The following RAB11FIP4 variants were observed in gnomAD, a reference collection of about 807,000 sequenced individuals.
RAB11FIP4 encodes the protein rab11 family-interacting protein 4.
RAB11FIP4 carries 23 observed loss-of-function variants against 74.3 expected under a neutral mutation model. That is an observed-to-expected ratio of 0.31 (90% CI 0.22 to 0.44). The LOEUF is 0.44. Among genes scored for constraint, RAB11FIP4 ranks in the 20% least tolerant of loss-of-function variants. The probability of loss-of-function intolerance (pLI) is 1.00; values close to 1 mark genes in which losing one functional copy is unlikely to be tolerated. For synonymous variants in RAB11FIP4, 360 were observed against 359.9 expected, an observed-to-expected ratio of 1.00 and a Z score of 0.00; for missense variants, 630 against 863.9, an observed-to-expected ratio of 0.73 and a Z score of 3.39.
chr17:31,489,882 C>T (rs927637839), intron 3 of RAB11FIP4, among the ~76,000 whole-genome samples: 4 of 152,038 alleles, frequency 2.6e-5, no homozygotes, highest in Admixed American at 2.6e-4. Flanking sequence ...TGACTAAGGC[C>T]AGTAGAAGAG....
intron 3 of RAB11FIP4, among the ~76,000 whole-genome samples, chr17:31,483,381 A>G (rs920916858): frequency 6.6e-6 from 1 of 151,996 alleles, no homozygotes; most frequent in Non-Finnish European, 1.5e-5. Context: ...TGGCTCCACC[A>G]CTAACTGAGT....
chr17:31,523,674 C>T (rs2072711115), intron 8 of RAB11FIP4, 63 bp downstream of exon 8: 2 of 1,470,418 alleles, frequency 1.4e-6, no homozygotes, highest in Non-Finnish European at 1.9e-6. Context: ...AGATGGGGTG[C>T]ACTCAGGCTA....
At chr17:31,402,913 C>A (rs575031416) in intron 1 of RAB11FIP4, among the ~76,000 whole-genome samples, 5 of 152,120 alleles carry the variant, frequency 3.3e-5, no homozygotes, top group Non-Finnish European at 7.3e-5. Flanking sequence ...GCGTGAGCCA[C>A]CGCGCCTGGC....
At chr17:31,434,710 G>T (rs190733560) in intron 3 of RAB11FIP4, among the ~76,000 whole-genome samples, 14 of 152,180 alleles carry the variant, frequency 9.2e-5, no homozygotes, top group Middle Eastern at 3.2e-3. Flanking sequence ...CTCAGGAAAT[G>T]GTTGTACTTA....
rs563824238 is a variant in RAB11FIP4 at position 31,433,979 on chromosome 17, G to T, written c.248-55G>T. On this transcript the variant is annotated intron_variant, in intron 2 of 14. Coordinates refer to ENST00000621161, the MANE Select transcript of RAB11FIP4 (RefSeq NM_032932.6). The stretch of plus-strand genomic sequence containing the variant: ...CCCATTAGTCAGAAGCAGAGCAGCC[G>T]TCCCAGGCTGAGGCTCAACCCCTCA... 2.7e-6 allele frequency: 4 copies of T among 1,499,712 alleles called. No individual in the cohort carries two copies. The East Asian group carries it at 7.0e-5, about 26-fold the overall frequency. 92.9% of individuals were successfully genotyped at this position (1,499,712 alleles called of 1,614,324 possible).
At chr17:31,432,341 C>G (rs2071318485) in intron 2 of RAB11FIP4, among the ~76,000 whole-genome samples, 1 of 151,560 alleles carries the variant, frequency 6.6e-6, no homozygotes, top group Non-Finnish European at 1.5e-5. Context: ...TGTGTCCTCC[C>G]TGCTCCCGCC....
chr17:31,537,592 C>T lies in RAB11FIP4; in HGVS notation c.*5860C>T, dbSNP rs2072987809. The T allele has an allele frequency of 6.0e-6, 1 of 167,392 alleles. No homozygotes were observed. The highest frequency in any genetic ancestry group is 1.3e-5 in the Non-Finnish European group (1 of 77,870). The allele number at this position is 167,392 out of a possible 1,614,324, so 10.4% of individuals were successfully genotyped here. ...GGACCGCAGCCGCTCCGTGCACTGTCTCTGCCCCCAGAGGAAGCCCTGTCC... is the reference window on the plus strand; with the variant it reads ...GGACCGCAGCCGCTCCGTGCACTGTTTCTGCCCCCAGAGGAAGCCCTGTCC... On this transcript the variant is annotated 3_prime_UTR_variant, in exon 15 of 15. Coordinates refer to ENST00000621161, the MANE Select transcript of RAB11FIP4 (RefSeq NM_032932.6).
intron 1 of RAB11FIP4, among the ~76,000 whole-genome samples, chr17:31,428,401 G>C (rs1376919774): frequency 6.6e-6 from 1 of 152,222 alleles, no homozygotes. Flanking sequence ...ACTGACAACA[G>C]TGACTGTGAG....
rs2072895170 is a variant in RAB11FIP4, at chr17:31,532,861, G to A, written c.*1129G>A. Reference sequence around the variant, plus strand: ...GTGGGAGGCGGTTGGGAAAGTTGCAGGAAAACCTTAGTCTTCCATCCTTCT... The same window carrying A: ...GTGGGAGGCGGTTGGGAAAGTTGCAAGAAAACCTTAGTCTTCCATCCTTCT... On this transcript the variant is annotated 3_prime_UTR_variant, in exon 15 of 15. Transcript: ENST00000621161. The A allele has an allele frequency of 6.6e-6, 1 of 152,168 alleles. No homozygotes were observed. The highest frequency in any genetic ancestry group is 2.4e-5 in the African/African-American group (1 of 41,428). The allele number at this position is 152,168 out of a possible 1,614,324, so 9.4% of individuals were successfully genotyped here. A position where few individuals can be genotyped will look rare whatever the true frequency, so the allele number is the denominator to read the frequency against.
intron 3 of RAB11FIP4, among the ~76,000 whole-genome samples, chr17:31,516,504 C>T (rs550824932): frequency 6.6e-6 from 1 of 152,346 alleles, no homozygotes; most frequent in African/African-American, 2.4e-5. Flanking sequence ...CAGTCTTGCT[C>T]TGTCACCCAG....
intron 1 of RAB11FIP4, among the ~76,000 whole-genome samples, chr17:31,406,521 A>C (rs932171152): frequency 6.6e-6 from 1 of 152,232 alleles, no homozygotes; most frequent in African/African-American, 2.4e-5. Flanking sequence ...CTGTTTCTGC[A>C]CGACCCCATC....
chr17:31,465,684 G>A (rs966620345), intron 3 of RAB11FIP4: 6 of 152,110 alleles, frequency 3.9e-5, no homozygotes, highest in African/African-American at 1.2e-4. Flanking sequence ...CCTCCTGGGA[G>A]CAGGGGACCA....
At chr17:31,473,277 C>T (rs1285589367) in intron 3 of RAB11FIP4, among the ~76,000 whole-genome samples, 5 of 151,532 alleles carry the variant, frequency 3.3e-5, no homozygotes, top group Admixed American at 6.6e-5. Context: ...CAGTGGCTCA[C>T]GCTTATAATC....
chr17:31,392,024 G>A lies in RAB11FIP4; in HGVS notation c.159+13G>A. Reference sequence around the variant, plus strand: ...CCAGGGCGAGGAGGTAAGCTGGCCCGACCCCAGTCCCGGCCCGGGGACCCC... The same window carrying A: ...CCAGGGCGAGGAGGTAAGCTGGCCCAACCCCAGTCCCGGCCCGGGGACCCC... On this transcript the variant is annotated intron_variant, in intron 1 of 14. Coordinates refer to ENST00000621161, the MANE Select transcript of RAB11FIP4 (RefSeq NM_032932.6). The A allele has an allele frequency of 7.7e-7, 1 of 1,291,968 alleles. No individual in the cohort carries two copies. Among genetic ancestry groups the A allele is most frequent in the Non-Finnish European group, 9.8e-7 (1 of 1,018,930 alleles). The allele number at this position is 1,291,968 out of a possible 1,614,324, so 80.0% of individuals were successfully genotyped here. A position where few individuals can be genotyped will look rare whatever the true frequency, so the allele number is the denominator to read the frequency against.
Position 31,453,404 on chromosome 17 carries a change from C to A in RAB11FIP4, c.336+19282C>A, listed in dbSNP as rs561820086. Among the ~76,000 whole-genome samples the A allele has an allele frequency of 2.8e-5, 4 of 144,838 alleles. No homozygotes were observed. In the South Asian group the frequency reaches 8.9e-4, roughly 32 times the overall value. ...AACAAACCTGGGGAGAGTTTGGGAC[C>A]TTTGGAGTCCAAGAGTTCTGAGTTT... On this transcript the variant is annotated intron_variant, in intron 3 of 14. Coordinates refer to ENST00000621161, the MANE Select transcript of RAB11FIP4 (RefSeq NM_032932.6).
intron 3 of RAB11FIP4, among the ~76,000 whole-genome samples, chr17:31,464,118 C>A (rs1056147336): frequency 2.6e-5 from 4 of 152,022 alleles, no homozygotes; most frequent in Non-Finnish European, 4.4e-5. Flanking sequence ...CCAGCCTCTT[C>A]TCCCCATTTG....
chr17:31,445,933 A>C (rs1243552420), intron 3 of RAB11FIP4, among the ~76,000 whole-genome samples: 2 of 151,884 alleles, frequency 1.3e-5, no homozygotes, highest in African/African-American at 4.8e-5. Flanking sequence ...CTCAAATCTA[A>C]TACAGGATCA....
intron 3 of RAB11FIP4, among the ~76,000 whole-genome samples, chr17:31,434,726 A>G (rs2071342076): frequency 6.6e-6 from 1 of 152,202 alleles, no homozygotes; most frequent in African/African-American, 2.4e-5. Context: ...ACTTACGATG[A>G]TCAGTGTATT....
Position 31,427,531 on chromosome 17 carries a change from G to T in RAB11FIP4, c.160-4282G>T, listed in dbSNP as rs79404533. Among the ~76,000 whole-genome samples the T allele has an allele frequency of 5.7e-3, 868 of 152,326 alleles. 6 individuals are homozygous for T. The highest frequency in any genetic ancestry group is 0.017 in the Middle Eastern group (5 of 294). ...CAGTGTCTCCCAGCCTCAGGGAGCT[G>T]TGGACACAGGGATTACAGAATCCAA... On this transcript the variant is annotated intron_variant, in intron 1 of 14. Transcript: ENST00000621161.
Sources: allele counts gnomAD v4.1 joint callset (sites outside exome capture counted in the v4.1 genomes callset), GRCh38; gene constraint gnomAD v4.1.1; transcripts MANE v1.5; gene names NCBI Gene and HGNC (gene_info 2026-07-23, HGNC 2026-07-21).